The following PCDH9 variants were observed in gnomAD, a reference collection of about 807,000 sequenced individuals.
PCDH9 encodes the protein protocadherin-9.
Under a neutral mutation model 70.6 loss-of-function variants are expected in PCDH9, and 24 were observed. The observed-to-expected ratio is 0.34, with a 90% confidence interval of 0.25 to 0.48. The LOEUF (loss-of-function observed/expected upper bound fraction) is 0.48, where lower values mean the gene tolerates loss of function less well. PCDH9 is among the 20% of genes least tolerant of loss of function. PCDH9 has a pLI of 0.99. For synonymous variants in PCDH9, 562 were observed against 558.5 expected, an observed-to-expected ratio of 1.01 and a Z score of -0.09; for missense variants, 1,281 against 1,503.6, an observed-to-expected ratio of 0.85 and a Z score of 2.45.
At chr13:66,772,707 T>C (rs1215477203) in intron 3 of PCDH9, among the ~76,000 whole-genome samples, 2 of 152,088 alleles carry the variant, frequency 1.3e-5, no homozygotes, top group East Asian at 1.9e-4. Context: ...AAAATAAAAC[T>C]ATGAAAATAT....
chr13:66,560,083 A>T (rs1961941048), intron 4 of PCDH9, among the ~76,000 whole-genome samples: 1 of 151,916 alleles, frequency 6.6e-6, no homozygotes, highest in Admixed American at 6.6e-5. Context: ...TCCTGCATGC[A>T]GTCCTGTGTG....
At chr13:66,970,831 C>T (rs1594328855) in intron 2 of PCDH9, among the ~76,000 whole-genome samples, 1 of 152,008 alleles carries the variant, frequency 6.6e-6, no homozygotes, top group Middle Eastern at 3.4e-3. Context: ...ACATACAAGT[C>T]ACTGAGGGCA....
At chr13:67,204,152 T>A (rs1301779546) in intron 2 of PCDH9, 3 of 152,154 alleles carry the variant, frequency 2.0e-5, no homozygotes, top group African/African-American at 7.2e-5. Flanking sequence ...AGCACAATTT[T>A]TCTCTAAACA....
intron 3 of PCDH9, among the ~76,000 whole-genome samples, chr13:66,860,788 T>A (rs1221367817): frequency 6.6e-6 from 1 of 152,184 alleles, no homozygotes; most frequent in East Asian, 1.9e-4. Context: ...GAGGTCTAAC[T>A]CTTTAGAAGC....
chr13:67,070,093 A>AGAG (rs1491522264), intron 2 of PCDH9, among the ~76,000 whole-genome samples: 7 of 62,544 alleles, frequency 1.1e-4, no homozygotes, highest in Non-Finnish European at 2.7e-4. Context: ...TTTAAATAAA[A>AGAG]TAGAGTTATT....
At chr13:66,418,795 C>T (rs1368717186) in intron 4 of PCDH9, among the ~76,000 whole-genome samples, 1 of 150,746 alleles carries the variant, frequency 6.6e-6, no homozygotes, top group Non-Finnish European at 1.5e-5. Context: ...ATCAATGAAT[C>T]CAGGAGCTGG....
At chr13:66,724,507 T>C (rs962381765) in intron 3 of PCDH9, among the ~76,000 whole-genome samples, 2 of 152,190 alleles carry the variant, frequency 1.3e-5, no homozygotes, top group African/African-American at 2.4e-5. Flanking sequence ...AGAATGAAGG[T>C]GCAAAGTCTC....
intron 2 of PCDH9, among the ~76,000 whole-genome samples, chr13:67,160,673 T>A (rs2087933350): frequency 6.6e-6 from 1 of 152,234 alleles, no homozygotes; most frequent in South Asian, 2.1e-4. Flanking sequence ...TTTTATCAGA[T>A]ATAAACTAGC....
intron 4 of PCDH9, among the ~76,000 whole-genome samples, chr13:66,624,304 T>C (rs1286481121): frequency 6.6e-6 from 1 of 152,224 alleles, no homozygotes; most frequent in Non-Finnish European, 1.5e-5. Context: ...TACATAGAGT[T>C]TATGATCATG....
intron 4 of PCDH9, among the ~76,000 whole-genome samples, chr13:66,453,774 A>G (rs1958262724): frequency 6.6e-6 from 1 of 152,172 alleles, no homozygotes. Flanking sequence ...CACTGGCCAA[A>G]GCTGTTTTGC....
intron 3 of PCDH9, among the ~76,000 whole-genome samples, chr13:66,658,580 AT>A (rs1336365435): frequency 6.6e-6 from 1 of 152,118 alleles, no homozygotes; most frequent in Non-Finnish European, 1.5e-5. Context: ...AAATCATTGT[AT>A]TTTACAAACA....
chr13:66,773,192 A>G (rs2079835733), intron 3 of PCDH9, among the ~76,000 whole-genome samples: 1 of 152,218 alleles, frequency 6.6e-6, no homozygotes, highest in South Asian at 2.1e-4. Flanking sequence ...GGGCTTTCCA[A>G]TAGAATTTCC....
At chr13:66,990,407 A>G (rs948702489) in intron 2 of PCDH9, among the ~76,000 whole-genome samples, 1 of 151,700 alleles carries the variant, frequency 6.6e-6, no homozygotes, top group Non-Finnish European at 1.5e-5. Flanking sequence ...AAAAGAATAT[A>G]TTAAGCAAAT....
intron 2 of PCDH9, among the ~76,000 whole-genome samples, chr13:66,907,873 C>T (rs1475802179): frequency 6.6e-6 from 1 of 152,070 alleles, no homozygotes; most frequent in Non-Finnish European, 1.5e-5. Flanking sequence ...AGAAGTTTTG[C>T]AGTCATTATA....
intron 3 of PCDH9, among the ~76,000 whole-genome samples, chr13:66,697,161 T>C (rs1411373537): frequency 1.3e-5 from 2 of 152,170 alleles, no homozygotes; most frequent in African/African-American, 2.4e-5. Context: ...CCAATGTGCT[T>C]ATCTTTTAAG....
At chr13:66,505,522 A>C (rs1163997689) in intron 4 of PCDH9, among the ~76,000 whole-genome samples, 2 of 151,688 alleles carry the variant, frequency 1.3e-5, no homozygotes, top group East Asian at 3.9e-4. Flanking sequence ...ACACAGAGCC[A>C]AACCATATCA....
intron 2 of PCDH9, among the ~76,000 whole-genome samples, chr13:66,968,644 T>C (rs934263256): frequency 6.6e-6 from 1 of 152,080 alleles, no homozygotes; most frequent in Admixed American, 6.6e-5. Flanking sequence ...TCAATTCAAC[T>C]GTGCATTGCT....
At chr13:67,191,594 T>A (rs2088915697) in intron 2 of PCDH9, among the ~76,000 whole-genome samples, 2 of 152,130 alleles carry the variant, frequency 1.3e-5, no homozygotes, top group African/African-American at 4.8e-5. Flanking sequence ...AAGAAAGCTA[T>A]TGTGCTCACC....
At chr13:67,162,782 GA>G (rs1231331588) in intron 2 of PCDH9, among the ~76,000 whole-genome samples, 5 of 151,178 alleles carry the variant, frequency 3.3e-5, no homozygotes, top group Admixed American at 1.3e-4. Context: ...AATGTATTCA[GA>G]AAAAAAGATA....
Sources: allele counts gnomAD v4.1 joint callset (sites outside exome capture counted in the v4.1 genomes callset), GRCh38; gene constraint gnomAD v4.1.1; transcripts MANE v1.5; gene names NCBI Gene and HGNC (gene_info 2026-07-23, HGNC 2026-07-21).